The following NAPB variants were observed in gnomAD, a reference collection of about 807,000 sequenced individuals.
The protein encoded by NAPB is NSF attachment protein beta.
NAPB carries 26 observed loss-of-function variants against 44.7 expected under a neutral mutation model. The ratio of observed to expected loss-of-function variants is 0.58; its 90% CI spans 0.43 to 0.81. The LOEUF is 0.81. Among genes scored for constraint, NAPB ranks in the 30% least tolerant of loss-of-function variants. The pLI is 0.00. For synonymous variants in NAPB, 120 were observed against 116.8 expected (o/e 1.03, Z -0.18); for missense variants, 315 against 356.4 (o/e 0.88, Z 0.94).
At chr20:23,382,203 C>T (rs1328703238) in intron 7 of NAPB, among the ~76,000 whole-genome samples, 1 of 152,136 alleles carries the variant, frequency 6.6e-6, no homozygotes, top group Admixed American at 6.5e-5. Context: ...CCACTTCTGC[C>T]CAGGGCTGAC....
chr20:23,397,418 T>C (rs1472048163), intron 2 of NAPB, among the ~76,000 whole-genome samples: 1 of 152,230 alleles, frequency 6.6e-6, no homozygotes, highest in East Asian at 1.9e-4. Flanking sequence ...ACTTTCCAAG[T>C]GTCCCTGGGC....
At chr20:23,403,699 T>C (rs1171064595) in intron 1 of NAPB, among the ~76,000 whole-genome samples, 2 of 151,770 alleles carry the variant, frequency 1.3e-5, no homozygotes, top group Admixed American at 6.6e-5. Context: ...TTAATCAGAG[T>C]CCTTCCCATC....
intron 9 of NAPB, 183 bp downstream of exon 9, chr20:23,379,684 C>T: frequency 4.5e-6 from 3 of 664,262 alleles, no homozygotes; most frequent in Non-Finnish European, 7.8e-6. Context: ...TATTTCAGAA[C>T]ACAACTACAT....
At chr20:23,400,482 T>A (rs1389633344) in intron 2 of NAPB, among the ~76,000 whole-genome samples, 4 of 151,950 alleles carry the variant, frequency 2.6e-5, no homozygotes, top group Admixed American at 2.6e-4. Context: ...CACCACTGCA[T>A]TCTAGCCTGG....
intron 2 of NAPB, among the ~76,000 whole-genome samples, chr20:23,402,607 C>T (rs572559399): frequency 3.3e-5 from 5 of 152,180 alleles, no homozygotes; most frequent in African/African-American, 1.2e-4. Flanking sequence ...TCTCTTTATC[C>T]CACTAGTTTT....
intron 1 of NAPB, 79 bp from the exon 2 acceptor site, chr20:23,403,151 G>T (rs748786477): frequency 8.1e-6 from 8 of 993,196 alleles, no homozygotes; most frequent in Non-Finnish European, 1.2e-5. Context: ...TTAACATTTA[G>T]TATATACTTG....
intron 1 of NAPB, among the ~76,000 whole-genome samples, chr20:23,416,305 T>C (rs1260929581): frequency 6.6e-6 from 1 of 152,166 alleles, no homozygotes; most frequent in Non-Finnish European, 1.5e-5. Flanking sequence ...AAAAGGCCAG[T>C]CTGGTAACAG....
At chr20:23,417,632 C>T (rs1318801002) in intron 1 of NAPB, among the ~76,000 whole-genome samples, 1 of 152,110 alleles carries the variant, frequency 6.6e-6, no homozygotes, top group Non-Finnish European at 1.5e-5. Context: ...AAGACAACTC[C>T]TTTGGAAGTA....
At chr20:23,411,385 T>G (rs1985643242) in intron 1 of NAPB, among the ~76,000 whole-genome samples, 1 of 151,912 alleles carries the variant, frequency 6.6e-6, no homozygotes, top group African/African-American at 2.4e-5. Flanking sequence ...AAAACAACAG[T>G]GGAACAATGC....
At chr20:23,388,072 G>T (rs1203441259) in intron 7 of NAPB, among the ~76,000 whole-genome samples, 1 of 152,158 alleles carries the variant, frequency 6.6e-6, no homozygotes, top group Non-Finnish European at 1.5e-5. Context: ...TCCTGATTCA[G>T]ACTTGGACTC....
At chr20:23,402,176 T>G (rs1984902050) in intron 2 of NAPB, among the ~76,000 whole-genome samples, 1 of 152,212 alleles carries the variant, frequency 6.6e-6, no homozygotes, top group Admixed American at 6.5e-5. Context: ...GAAATGATTT[T>G]AAAGTGTCTG....
rs764688914 is a variant in NAPB, at chr20:23,376,568, T to C, written c.*808A>G. The C allele has an allele frequency of 6.6e-6, 1 of 152,206 alleles. No homozygotes were observed. Among genetic ancestry groups the C allele is most frequent in the Non-Finnish European group, 1.5e-5 (1 of 68,038 alleles). The allele number at this position is 152,206 out of a possible 1,614,324, so 9.4% of individuals were successfully genotyped here. On this transcript the variant is annotated 3_prime_UTR_variant, in exon 11 of 11. Transcript: ENST00000377026. ...AAACATGAAAATAATGAGCAGGCTATGCCAATTAAAATACTTCAATGTAAA... is the reference window on the plus strand; with the variant it reads ...AAACATGAAAATAATGAGCAGGCTACGCCAATTAAAATACTTCAATGTAAA...
chr20:23,392,683 GT>G (rs71183336), intron 5 of NAPB, among the ~76,000 whole-genome samples: 8 of 147,308 alleles, frequency 5.4e-5, no homozygotes, highest in Non-Finnish European at 7.5e-5. Context: ...TTCCTGGATA[GT>G]TTTTTTTTTT....
intron 1 of NAPB, among the ~76,000 whole-genome samples, chr20:23,404,091 A>T (rs1985061918): frequency 6.6e-6 from 1 of 152,232 alleles, no homozygotes; most frequent in Admixed American, 6.5e-5. Context: ...GCTTTAAGCT[A>T]CTTGGAAATT....
At chr20:23,399,159 A>ATTT (rs1300674464) in intron 2 of NAPB, among the ~76,000 whole-genome samples, 3 of 152,072 alleles carry the variant, frequency 2.0e-5, no homozygotes, top group African/African-American at 7.2e-5. Flanking sequence ...ACAGTTTCTG[A>ATTT]TTAAAAAGAG....
intron 7 of NAPB, among the ~76,000 whole-genome samples, chr20:23,382,737 A>G (rs1461800515): frequency 6.6e-6 from 1 of 152,204 alleles, no homozygotes; most frequent in Admixed American, 6.5e-5. Context: ...CACTAAATGG[A>G]AGACAACAAC....
intron 1 of NAPB, among the ~76,000 whole-genome samples, chr20:23,414,015 A>T (rs574774622): frequency 6.6e-6 from 1 of 152,344 alleles, no homozygotes; most frequent in Non-Finnish European, 1.5e-5. Flanking sequence ...AACAATCCTA[A>T]ATCATGTATG....
At chr20:23,414,017 T>C (rs1985838347) in intron 1 of NAPB, among the ~76,000 whole-genome samples, 2 of 152,140 alleles carry the variant, frequency 1.3e-5, no homozygotes, top group East Asian at 1.9e-4. Flanking sequence ...CAATCCTAAA[T>C]CATGTATGTA....
chr20:23,378,356 T>A (rs1363875661), intron 10 of NAPB, among the ~76,000 whole-genome samples: 2 of 151,014 alleles, frequency 1.3e-5, no homozygotes, highest in African/African-American at 4.9e-5. Flanking sequence ...TTTGCTTGAT[T>A]CTAAACATGA....
Sources: allele counts gnomAD v4.1 joint callset (sites outside exome capture counted in the v4.1 genomes callset), GRCh38; gene constraint gnomAD v4.1.1; transcripts MANE v1.5; gene names NCBI Gene and HGNC (gene_info 2026-07-23, HGNC 2026-07-21).